ADGRA3: variants seen among roughly 807,000 people sequenced by gnomAD.
ADGRA3 encodes adhesion G protein-coupled receptor A3, also known as G-protein coupled receptor 125.
ADGRA3 carries 56 observed loss-of-function variants against 119.8 expected under a neutral mutation model. The observed-to-expected ratio is 0.47, with a 90% CI of 0.38 to 0.58. ADGRA3 has a LOEUF of 0.58. ADGRA3 is among the 20% of genes least tolerant of loss of function. The pLI, the probability that ADGRA3 is intolerant of heterozygous loss-of-function variation, is 0.00. For missense variants in ADGRA3, 1,516 were observed against 1,649.0 expected, an observed-to-expected ratio of 0.92 and a Z score of 1.40; for synonymous variants, 607 against 623.8, an observed-to-expected ratio of 0.97 and a Z score of 0.40.
chr4:22,464,733 C>T (rs181514753), intron 2 of ADGRA3, among the ~76,000 whole-genome samples: 8 of 152,212 alleles, frequency 5.3e-5, no homozygotes, highest in Non-Finnish European at 1.2e-4. Flanking sequence ...TAGGAAGAGT[C>T]CTCACCTGGA....
At chr4:22,401,836 A>T (rs1004549228) in intron 15 of ADGRA3, among the ~76,000 whole-genome samples, 2 of 152,134 alleles carry the variant, frequency 1.3e-5, no homozygotes, top group African/African-American at 4.8e-5. Flanking sequence ...GAAATTCTCC[A>T]CAATAAGAAA....
At chr4:22,447,404 TC>T (rs1716868963) in intron 5 of ADGRA3, 35 bp downstream of exon 5, 2 of 1,169,842 alleles carry the variant, frequency 1.7e-6, no homozygotes, top group Non-Finnish European at 1.2e-6. Context: ...GACATGAAAA[TC>T]AAAAAAAAAA....
intron 3 of ADGRA3, among the ~76,000 whole-genome samples, chr4:22,458,669 TACTGAACTCTAA>T (rs1395275343): frequency 6.6e-6 from 1 of 152,162 alleles, no homozygotes; most frequent in Non-Finnish European, 1.5e-5. Flanking sequence ...ATAGTCCTTT[TACTGAACTCTAA>T]ACCTGGCTTG....
chr4:22,492,378 C>A (rs1384891262), intron 1 of ADGRA3, among the ~76,000 whole-genome samples: 1 of 152,122 alleles, frequency 6.6e-6, no homozygotes, highest in African/African-American at 2.4e-5. Flanking sequence ...TGTAACTCAC[C>A]GTTTTCCTTC....
chr4:22,420,181 G>A (rs1715593576), intron 12 of ADGRA3: 2 of 152,154 alleles, frequency 1.3e-5, no homozygotes, highest in South Asian at 2.1e-4. Flanking sequence ...ATAAAGTACT[G>A]TGAGATTAAA....
At chr4:22,399,625 T>C (rs769401619) in intron 16 of ADGRA3, among the ~76,000 whole-genome samples, 6 of 152,114 alleles carry the variant, frequency 3.9e-5, no homozygotes, top group Non-Finnish European at 7.3e-5. Context: ...TCCCCTCTGT[T>C]GTACATCAAA....
At position 22,388,699 on chromosome 4, in the gene ADGRA3, G is replaced by C. The variant is rs1713961631; in HGVS notation, c.2972C>G (p.Thr991Ser). The change falls in exon 19 of 19, where the codon ACT becomes AGT. Residue 991 changes from threonine (T) to serine (S), a missense_variant. Transcript: ENST00000334304. ...ISTSALENEH[T>S]FHSQLLGASL... Reference sequence around the variant, plus strand: ...GGCCCCCAAGAGCTGAGAATGAAAAGTGTGCTCATTTTCCAAGGCTGATGT... The same window carrying C: ...GGCCCCCAAGAGCTGAGAATGAAAACTGTGCTCATTTTCCAAGGCTGATGT... 18 of 1,614,058 alleles carry C rather than the reference G, an allele frequency of 1.1e-5. No homozygotes were observed. Among genetic ancestry groups the C allele is most frequent in the Non-Finnish European group, 1.5e-5 (18 of 1,179,984 alleles).
chr4:22,505,834 A>AC (rs1204551329), intron 1 of ADGRA3, among the ~76,000 whole-genome samples: 4 of 152,146 alleles, frequency 2.6e-5, no homozygotes, highest in Non-Finnish European at 5.9e-5. Context: ...AGGAAGAGGT[A>AC]CAAGACTAAG....
chr4:22,403,700 C>G (rs1714768170), intron 14 of ADGRA3, among the ~76,000 whole-genome samples: 1 of 152,050 alleles, frequency 6.6e-6, no homozygotes, highest in Non-Finnish European at 1.5e-5. Context: ...TAAGATAGCA[C>G]CACTGCACTC....
intron 1 of ADGRA3, among the ~76,000 whole-genome samples, chr4:22,500,822 T>C (rs77454604): frequency 0.034 from 5,202 of 152,220 alleles, 137 homozygotes; most frequent in African/African-American, 0.066. Flanking sequence ...CCTAATCCAC[T>C]TTGGGGAAGA....
chr4:22,474,470 G>A (rs1717966782), intron 1 of ADGRA3, among the ~76,000 whole-genome samples: 1 of 152,156 alleles, frequency 6.6e-6, no homozygotes, highest in Non-Finnish European at 1.5e-5. Context: ...AGAAGTCATA[G>A]TTGCGCCTAT....
chr4:22,498,496 T>C (rs1718926468), intron 1 of ADGRA3, among the ~76,000 whole-genome samples: 1 of 135,946 alleles, frequency 7.4e-6, no homozygotes, highest in Admixed American at 7.6e-5. Context: ...CGGGCGCCTG[T>C]AATCCTAGCT....
intron 1 of ADGRA3, among the ~76,000 whole-genome samples, chr4:22,508,523 G>A (rs963408328): frequency 2.0e-5 from 3 of 152,192 alleles, no homozygotes; most frequent in Non-Finnish European, 4.4e-5. Flanking sequence ...TGGGTATTGA[G>A]AAATCAGGCT....
In ADGRA3 at chr4:22,387,708, C is replaced by T; in HGVS notation, c.3963G>A (p.Val1321=). The T allele has an allele frequency of 6.3e-7, 1 of 1,599,314 alleles. No individual in the cohort carries two copies. The highest frequency in any genetic ancestry group is 8.5e-7 in the Non-Finnish European group (1 of 1,171,026). The part of the protein sequence containing the change: ...RTGLWKHETT[V] ...CTGCCTAGGAAGCCCAGCAATGTTACACAGTAGTTTCGTGTTTCCATAATC... is the reference window on the plus strand; with the variant it reads ...CTGCCTAGGAAGCCCAGCAATGTTATACAGTAGTTTCGTGTTTCCATAATC... Residue 1321 remains valine (V), a synonymous_variant, in exon 19 of 19, where the codon GTG becomes GTA. Coordinates refer to ENST00000334304, the MANE Select transcript of ADGRA3 (RefSeq NM_145290.4).
chr4:22,426,362 A>C (rs1357265326), intron 10 of ADGRA3, among the ~76,000 whole-genome samples: 1 of 152,228 alleles, frequency 6.6e-6, no homozygotes, highest in African/African-American at 2.4e-5. Flanking sequence ...GGGTAGAGAC[A>C]ACAAAATGTC....
At chr4:22,451,081 T>C (rs1717024986) in intron 4 of ADGRA3, among the ~76,000 whole-genome samples, 1 of 151,198 alleles carries the variant, frequency 6.6e-6, no homozygotes, top group South Asian at 2.1e-4. Context: ...CCACCTTTTT[T>C]GTATAAAGGA....
At chr4:22,446,053 A>T (rs1032071168) in intron 5 of ADGRA3, among the ~76,000 whole-genome samples, 13 of 152,226 alleles carry the variant, frequency 8.5e-5, no homozygotes, top group Non-Finnish European at 1.6e-4. Context: ...AATAGAATGC[A>T]ACATGTTCTA....
At chr4:22,511,535 T>C (rs546139965) in intron 1 of ADGRA3, among the ~76,000 whole-genome samples, 4 of 152,194 alleles carry the variant, frequency 2.6e-5, no homozygotes, top group African/African-American at 4.8e-5. Flanking sequence ...GAAATGGCTT[T>C]ATTTTTCATG....
intron 1 of ADGRA3, among the ~76,000 whole-genome samples, chr4:22,484,370 C>T (rs1174594013): frequency 6.6e-6 from 1 of 151,992 alleles, no homozygotes; most frequent in Non-Finnish European, 1.5e-5. Context: ...TTTGGGAGGC[C>T]AAGGCGGGTG....
Sources: gnomAD v4.1 joint callset for allele counts (sites outside exome capture counted in the v4.1 genomes callset) on GRCh38, gnomAD v4.1.1 for gene constraint, MANE v1.5 for transcripts, NCBI Gene and HGNC (gene_info 2026-07-23, HGNC 2026-07-21) for gene names.